The following JAM3 variants were observed in gnomAD, a reference collection of about 807,000 sequenced individuals.
JAM3 encodes the protein junctional adhesion molecule C.
A neutral mutation model predicts 39.4 loss-of-function variants in JAM3; 31 were observed. The observed-to-expected ratio is 0.79, with a 90% CI of 0.59 to 1.06. The LOEUF (loss-of-function observed/expected upper bound fraction) is 1.06. JAM3 is among the 50% of genes least tolerant of loss of function. The pLI is 0.00. For missense variants in JAM3, 455 were observed against 391.4 expected (o/e 1.16, Z -1.37); for synonymous variants, 182 against 148.7 (o/e 1.22, Z -1.63).
chr11:134,116,481 T>C (rs1398616856), intron 1 of JAM3, among the ~76,000 whole-genome samples: 1 of 152,234 alleles, frequency 6.6e-6, no homozygotes, highest in Non-Finnish European at 1.5e-5. Flanking sequence ...AATAGTATCA[T>C]AATTTTTTTT....
chr11:134,128,863 T>G (rs1362200560), intron 1 of JAM3, among the ~76,000 whole-genome samples: 1 of 152,226 alleles, frequency 6.6e-6, no homozygotes, highest in Non-Finnish European at 1.5e-5. Flanking sequence ...TTTTGTATCT[T>G]TCTCTTGCTC....
chr11:134,072,963 A>G (rs1941507220), intron 1 of JAM3, among the ~76,000 whole-genome samples: 1 of 152,206 alleles, frequency 6.6e-6, no homozygotes, highest in South Asian at 2.1e-4. Context: ...TATGCTGTCA[A>G]AGTTGAATGC....
chr11:134,115,193 C>T (rs1942401969), intron 1 of JAM3, among the ~76,000 whole-genome samples: 2 of 152,234 alleles, frequency 1.3e-5, no homozygotes, highest in South Asian at 4.1e-4. Context: ...ACTAATATAG[C>T]CACTCCACTT....
At chr11:134,124,173 T>G in intron 1 of JAM3, 1 of 1,459,590 alleles carries the variant, frequency 6.9e-7, no homozygotes, top group Middle Eastern at 1.8e-4. Context: ...AACTGGAGCT[T>G]TATCATACGT....
rs1044798822 is a variant in JAM3, at chr11:134,130,612, A to G, written c.77-9239A>G. Among the ~76,000 whole-genome samples, 7 of 152,316 alleles carry G rather than the reference A, an allele frequency of 4.6e-5. No individual in the cohort carries two copies. The East Asian group carries it at 1.4e-3, about 29-fold the overall frequency. On this transcript the variant is annotated intron_variant, in intron 1 of 8. Coordinates refer to ENST00000299106, the MANE Select transcript of JAM3 (RefSeq NM_032801.5). ...CAGTCAAACGAAGATTATAGCAACCAAGCAAATATCTAACCAAAAAGAGCC... is the reference window on the plus strand; with the variant it reads ...CAGTCAAACGAAGATTATAGCAACCGAGCAAATATCTAACCAAAAAGAGCC...
chr11:134,148,407 C>G lies in JAM3; in HGVS notation c.713-140C>G, dbSNP rs1034747170. The G allele has an allele frequency of 7.5e-6, 7 of 938,012 alleles. No individual in the cohort carries two copies. The East Asian group carries it at 1.5e-4, about 20-fold the overall frequency. 58.1% of individuals were successfully genotyped at this position (938,012 alleles called of 1,614,324 possible). ...CTAGGCTAGAAGGATTGTAAGTGTT[C>G]TCTCTTCTAGCTGGGGTAGGCCTGA... is the stretch of plus-strand genomic sequence containing the variant. On this transcript the variant is annotated intron_variant, in intron 6 of 8. Transcript: ENST00000299106.
chr11:134,127,063 C>A (rs1387016400), intron 1 of JAM3, among the ~76,000 whole-genome samples: 1 of 152,186 alleles, frequency 6.6e-6, no homozygotes, highest in Non-Finnish European at 1.5e-5. Flanking sequence ...ACAATAAAAA[C>A]AAAACACCAA....
At position 134,148,596 on chromosome 11, in the gene JAM3, T is replaced by G. The variant is rs749976280; in HGVS notation, c.762T>G (p.Ala254=). 1 of 1,614,206 alleles carries G rather than the reference T, an allele frequency of 6.2e-7. No individual in the cohort carries two copies. The highest frequency in any genetic ancestry group is 1.7e-5 in the Admixed American group (1 of 60,030). Reference sequence around the variant, plus strand: ...TTGGGGGGGTTCTGGTTGTCCTTGCTGTACTGGCCCTGATCACGTTGGGCA... The same window carrying G: ...TTGGGGGGGTTCTGGTTGTCCTTGCGGTACTGGCCCTGATCACGTTGGGCA... ...GIIGGVLVVL[A]VLALITLGIC... is the part of the protein sequence containing the mutation. Residue 254 remains alanine, a synonymous_variant, in exon 7 of 9, where the codon GCT becomes GCG. Coordinates refer to ENST00000299106, the MANE Select transcript of JAM3 (RefSeq NM_032801.5).
At chr11:134,076,279 G>C (rs1383608115) in intron 1 of JAM3, among the ~76,000 whole-genome samples, 1 of 149,982 alleles carries the variant, frequency 6.7e-6, no homozygotes, top group East Asian at 2.0e-4. Context: ...CTCAGCCTCT[G>C]GAGTAGCTGG....
intron 6 of JAM3, chr11:134,148,105 ATTCT>A (rs1200881731): frequency 1.3e-5 from 3 of 224,408 alleles, no homozygotes; most frequent in Non-Finnish European, 2.7e-5. Flanking sequence ...TTTGAGACAG[ATTCT>A]TTAAGGCTTG....
At chr11:134,084,845 C>T (rs1028193660) in intron 1 of JAM3, among the ~76,000 whole-genome samples, 4 of 152,174 alleles carry the variant, frequency 2.6e-5, no homozygotes, top group African/African-American at 9.7e-5. Context: ...TCTCTTCTTC[C>T]ACTCTTCTTC....
chr11:134,125,395 G>T (rs894975738), intron 1 of JAM3, among the ~76,000 whole-genome samples: 5 of 152,114 alleles, frequency 3.3e-5, no homozygotes, highest in African/African-American at 1.2e-4. Context: ...TAGGCTTCAA[G>T]GTCTGATTCA....
chr11:134,141,239 G>A (rs76353225), intron 3 of JAM3, among the ~76,000 whole-genome samples: 7,215 of 152,118 alleles, frequency 0.047, 634 homozygotes, highest in African/African-American at 0.16. Context: ...ACATCCTCCC[G>A]GGTGGGAGGA....
chr11:134,099,319 C>T (rs1370445232), intron 1 of JAM3, among the ~76,000 whole-genome samples: 1 of 152,042 alleles, frequency 6.6e-6, no homozygotes, highest in Non-Finnish European at 1.5e-5. Context: ...AAAGGCAGGC[C>T]CAGGAACAGA....
intron 1 of JAM3, among the ~76,000 whole-genome samples, chr11:134,127,025 C>G (rs563837400): frequency 2.7e-4 from 41 of 152,346 alleles, no homozygotes; most frequent in African/African-American, 9.1e-4. Context: ...ACTATTATCT[C>G]TTGCCACATT....
At chr11:134,102,927 G>A (rs910522325) in intron 1 of JAM3, among the ~76,000 whole-genome samples, 9 of 152,166 alleles carry the variant, frequency 5.9e-5, no homozygotes, top group Non-Finnish European at 1.5e-5. Context: ...AACCAAGTTG[G>A]AAAACACTCT....
At chr11:134,102,273 G>A (rs1942089482) in intron 1 of JAM3, among the ~76,000 whole-genome samples, 1 of 152,156 alleles carries the variant, frequency 6.6e-6, no homozygotes, top group Non-Finnish European at 1.5e-5. Context: ...TGGACCTCCA[G>A]CAAACTCCAA....
chr11:134,140,890 T>G (rs976904177), intron 3 of JAM3, 120 bp downstream of exon 3: 1 of 1,335,838 alleles, frequency 7.5e-7, no homozygotes, highest in Non-Finnish European at 1.0e-6. Context: ...GGACCGTTTT[T>G]TTTTTTTTAA....
At chr11:134,119,903 C>G (rs1555117180) in intron 1 of JAM3, among the ~76,000 whole-genome samples, 1 of 152,080 alleles carries the variant, frequency 6.6e-6, no homozygotes, top group Non-Finnish European at 1.5e-5. Context: ...TTAGTTAAGC[C>G]AGGTCACAAA....
Sources: gnomAD v4.1 joint callset for allele counts (sites outside exome capture counted in the v4.1 genomes callset) on GRCh38, gnomAD v4.1.1 for gene constraint, MANE v1.5 for transcripts, NCBI Gene and HGNC (gene_info 2026-07-23, HGNC 2026-07-21) for gene names.